TOP2B: variants seen among roughly 807,000 people sequenced by gnomAD.
TOP2B encodes DNA topoisomerase II beta.
In TOP2B, 51 loss-of-function variants were observed where a neutral mutation model predicts 193.5. The ratio of observed to expected loss-of-function variants is 0.26; its 90% CI spans 0.21 to 0.33. TOP2B has a LOEUF of 0.33. Among genes scored for constraint, TOP2B ranks in the 10% least tolerant of loss-of-function variants. The probability of loss-of-function intolerance (pLI) is 1.00; values close to 1 mark genes in which losing one functional copy is unlikely to be tolerated. For synonymous variants in TOP2B, 634 were observed against 635.7 expected, an observed-to-expected ratio of 1.00 and a Z score of 0.04; for missense variants, 1,378 against 1,909.3, an observed-to-expected ratio of 0.72 and a Z score of 5.19.
At chr3:25,604,200 T>A (rs1343033700) in intron 33 of TOP2B, among the ~76,000 whole-genome samples, 6 of 151,300 alleles carry the variant, frequency 4.0e-5, no homozygotes, top group African/African-American at 1.5e-4. Flanking sequence ...TCAATTAGAT[T>A]TGTGGGGTTT....
intron 19 of TOP2B, 109 bp from the exon 20 acceptor site, chr3:25,624,554 C>T (rs1440999178): frequency 6.5e-7 from 1 of 1,530,380 alleles, no homozygotes; most frequent in East Asian, 2.3e-5. Flanking sequence ...TAGAATCTCA[C>T]TAATCTGTAT....
intron 6 of TOP2B, among the ~76,000 whole-genome samples, chr3:25,636,439 C>T (rs948338190): frequency 7.2e-5 from 11 of 152,058 alleles, no homozygotes; most frequent in Non-Finnish European, 1.3e-4. Context: ...GGCATTTATA[C>T]TGTATTACAT....
chr3:25,618,606 T>TC, intron 24 of TOP2B, 48 bp downstream of exon 24: 1 of 1,547,968 alleles, frequency 6.5e-7, no homozygotes, highest in South Asian at 1.2e-5. Flanking sequence ...TAATAAAGTT[T>TC]TTTTTCCATT....
Position 25,645,432 on chromosome 3 carries a change from C to T in TOP2B, c.108G>A (p.Glu36=), listed in dbSNP as rs1703389036. 1.9e-6 allele frequency: 3 copies of T among 1,613,514 alleles called. No individual in the cohort carries two copies. Among genetic ancestry groups the T allele is most frequent in the Non-Finnish European group, 1.7e-6 (2 of 1,179,746 alleles). ...AATCATTTTTGTTGGCAGTTTCTGACTCTTCTTTTTTTGCAGCATTGTTCT... is the reference window on the plus strand; with the variant it reads ...AATCATTTTTGTTGGCAGTTTCTGATTCTTCTTTTTTTGCAGCATTGTTCT... ...FDQNNAAKKE[E]SETANKNDSS... is the part of the protein sequence containing the mutation. The change falls in exon 2 of 36, where the codon GAG becomes GAA. Residue 36 remains glutamate (E), a synonymous_variant. Transcript: ENST00000264331.
intron 1 of TOP2B, among the ~76,000 whole-genome samples, chr3:25,650,943 C>T (rs181806183): frequency 1.3e-4 from 20 of 152,282 alleles, no homozygotes; most frequent in African/African-American, 4.6e-4. Context: ...TCATATTGCT[C>T]TGACAGGGGC....
At position 25,663,537 on chromosome 3, in the gene TOP2B, C is replaced by G. The variant is rs561828830; in HGVS notation, c.69+692G>C. Among the ~76,000 whole-genome samples the G allele has an allele frequency of 2.2e-4, 34 of 152,250 alleles. No individual in the cohort carries two copies. In the South Asian group the frequency reaches 7.0e-3, roughly 32 times the overall value. On this transcript the variant is annotated intron_variant, in intron 1 of 35. Transcript: ENST00000264331. ...GCGTCGAAATCCTTTAACTTCAGGA[C>G]TAAGCACTTCAGTCACCTCTCCAGG...
intron 4 of TOP2B, among the ~76,000 whole-genome samples, chr3:25,638,652 T>C (rs1258344704): frequency 2.0e-5 from 3 of 152,098 alleles, no homozygotes; most frequent in South Asian, 2.1e-4. Context: ...GTTTAGCACA[T>C]GGTACTGTAA....
At chr3:25,628,297 A>G (rs1702863904) in intron 15 of TOP2B, among the ~76,000 whole-genome samples, 1 of 151,858 alleles carries the variant, frequency 6.6e-6, no homozygotes, top group South Asian at 2.1e-4. Context: ...GCAACAAACC[A>G]AAACCCCATC....
At chr3:25,615,743 T>C in intron 25 of TOP2B, 157 bp from the exon 26 acceptor site, 1 of 625,848 alleles carries the variant, frequency 1.6e-6, no homozygotes, top group Admixed American at 4.0e-5. Context: ...TAAAAATATA[T>C]TTCCTTATAA....
chr3:25,614,109 TA>T lies in TOP2B; in HGVS notation c.3591+1095del, dbSNP rs1702446482. 3.9e-5 allele frequency among the ~76,000 whole-genome samples: 6 copies of T among 152,318 alleles called. No individual in the cohort carries two copies. In the South Asian group the frequency reaches 1.0e-3, roughly 26 times the overall value. On this transcript the variant is annotated intron_variant, in intron 27 of 35. Transcript: ENST00000264331. ...AAAATAAATACATCCAGAATTTAAA[TA>T]AGTTGTTTGGACCTATTTCATTAAT...
intron 1 of TOP2B, among the ~76,000 whole-genome samples, chr3:25,657,341 T>C (rs112869259): frequency 4.7e-4 from 71 of 152,304 alleles, no homozygotes; most frequent in African/African-American, 1.6e-3. Context: ...GCATATTTAA[T>C]ACAAACCACC....
chr3:25,637,332 TA>T lies in TOP2B; in HGVS notation c.542-21del. On this transcript the variant is annotated intron_variant, in intron 5 of 35. Coordinates refer to ENST00000264331, the MANE Select transcript of TOP2B (RefSeq NM_001330700.2). ...GACCACCTGTAAGAAAAATTAAATG[TA>T]AAAGGTTTAGTAAAAATGATTTTAA... 6.6e-7 allele frequency: 1 copy of T among 1,512,712 alleles called. No individual in the cohort carries two copies. 93.7% of individuals were successfully genotyped at this position (1,512,712 alleles called of 1,614,324 possible).
At chr3:25,607,526 C>A (rs1702265085) in intron 30 of TOP2B, among the ~76,000 whole-genome samples, 151 bp from the exon 31 acceptor site, 1 of 152,168 alleles carries the variant, frequency 6.6e-6, no homozygotes, top group African/African-American at 2.4e-5. Context: ...TAAAAGCCAA[C>A]AACTTTGGCC....
intron 31 of TOP2B, among the ~76,000 whole-genome samples, chr3:25,606,649 A>G (rs1302775825): frequency 5.3e-5 from 8 of 152,202 alleles, no homozygotes; most frequent in Admixed American, 1.3e-4. Flanking sequence ...TTTTAAAAAA[A>G]CATCTAAAAT....
chr3:25,652,836 GA>G (rs890067802), intron 1 of TOP2B, among the ~76,000 whole-genome samples: 16 of 148,132 alleles, frequency 1.1e-4, no homozygotes, highest in South Asian at 2.1e-4. Flanking sequence ...AAACAATGAG[GA>G]AAAAAAATCA....
At chr3:25,638,894 T>C (rs528907922) in intron 4 of TOP2B, among the ~76,000 whole-genome samples, 15 of 152,248 alleles carry the variant, frequency 9.9e-5, no homozygotes, top group African/African-American at 3.1e-4. Flanking sequence ...ACTGATAATC[T>C]TCAATAAAAA....
chr3:25,623,152 T>C (rs7645628), intron 21 of TOP2B, among the ~76,000 whole-genome samples: 1 of 152,050 alleles, frequency 6.6e-6, no homozygotes, highest in Non-Finnish European at 1.5e-5. Flanking sequence ...ATGAATACAA[T>C]GTGTTTTTAA....
intron 12 of TOP2B, 57 bp from the exon 13 acceptor site, chr3:25,630,211 G>A: frequency 6.6e-7 from 1 of 1,521,390 alleles, no homozygotes; most frequent in Non-Finnish European, 8.8e-7. Context: ...ATACGAGTCA[G>A]AAATTACATT....
intron 4 of TOP2B, 85 bp downstream of exon 4, chr3:25,642,237 A>G: frequency 1.3e-6 from 1 of 752,994 alleles, no homozygotes; most frequent in African/African-American, 1.8e-5. Flanking sequence ...AGTACTACCC[A>G]TATACATTAT....
Sources: gnomAD v4.1 joint callset for allele counts (sites outside exome capture counted in the v4.1 genomes callset) on GRCh38, gnomAD v4.1.1 for gene constraint, MANE v1.5 for transcripts, NCBI Gene and HGNC (gene_info 2026-07-23, HGNC 2026-07-21) for gene names.